The following KNSTRN variants were observed in gnomAD, a reference collection of about 807,000 sequenced individuals.
KNSTRN encodes small kinetochore-associated protein.
Under a neutral mutation model 44.7 loss-of-function variants are expected in KNSTRN, and 38 were observed. The observed-to-expected ratio is 0.85, with a 90% CI of 0.66 to 1.11. The LOEUF is 1.11. KNSTRN is among the 50% of genes most tolerant of loss of function. The pLI, the probability that KNSTRN is intolerant of heterozygous loss-of-function variation, is 0.00. For missense variants in KNSTRN, 406 were observed against 375.8 expected, an observed-to-expected ratio of 1.08 and a Z score of -0.66; for synonymous variants, 158 against 148.1, an observed-to-expected ratio of 1.07 and a Z score of -0.48.
Position 40,382,814 on chromosome 15 carries a change from C to G in KNSTRN, c.-22C>G, listed in dbSNP as rs1387650869. The G allele has an allele frequency of 1.2e-5, 20 of 1,604,594 alleles. No homozygotes were observed. The highest frequency in any genetic ancestry group is 1.5e-5 in the Non-Finnish European group (18 of 1,176,228). On this transcript the variant is annotated 5_prime_UTR_variant, in exon 1 of 9. Coordinates refer to ENST00000249776, the MANE Select transcript of KNSTRN (RefSeq NM_033286.4). ...CTTTCGCTAGGTCTGGCTCTGGCCT[C>G]TGAGCGAACCTTCCGTACAGTATGG...
At chr15:40,388,123 G>A (rs547137718) in intron 4 of KNSTRN, among the ~76,000 whole-genome samples, 6 of 152,330 alleles carry the variant, frequency 3.9e-5, no homozygotes, top group Non-Finnish European at 5.9e-5. Context: ...CTAACCCAGC[G>A]GCGCTAGAGG....
At position 40,391,543 on chromosome 15, in the gene KNSTRN, A is replaced by T; in HGVS notation, c.736A>T (p.Met246Leu). 6.2e-7 allele frequency: 1 copy of T among 1,613,712 alleles called. No individual in the cohort carries two copies. Among genetic ancestry groups the T allele is most frequent in the African/African-American group, 1.3e-5 (1 of 75,026 alleles). Residue 246 changes from methionine to leucine, a missense_variant, in exon 7 of 9, where the codon ATG becomes TTG. Coordinates refer to ENST00000249776, the MANE Select transcript of KNSTRN (RefSeq NM_033286.4). Reference protein sequence around the residue: ...ASRQESTTDHMDSMLLLETLQ... With the variant: ...ASRQESTTDHLDSMLLLETLQ... ...ACGACAAGAATCCACTACTGATCAC[A>T]TGGACTCTATGGTGAGGGCATGGGT...
rs768924814 is a variant in KNSTRN, at chr15:40,382,940, A to G, written c.105A>G (p.Leu35=). Residue 35 remains leucine (L), a synonymous_variant, in exon 1 of 9, where the codon CTA becomes CTG. Coordinates refer to ENST00000249776, the MANE Select transcript of KNSTRN (RefSeq NM_033286.4). The part of the protein sequence containing the change: ...HPLPPSYRKF[L]FETQAADLAG... Reference sequence around the variant, plus strand: ...TTCCGCCTAGCTACCGGAAGTTTCTATTTGAAACCCAGGCGGCCGACTTAG... The same window carrying G: ...TTCCGCCTAGCTACCGGAAGTTTCTGTTTGAAACCCAGGCGGCCGACTTAG... 3 of 1,612,282 alleles carry G rather than the reference A, an allele frequency of 1.9e-6. No individual in the cohort carries two copies. Among genetic ancestry groups the G allele is most frequent in the East Asian group, 2.2e-5 (1 of 44,886 alleles).
At position 40,386,362 on chromosome 15, in the gene KNSTRN, A is replaced by T. The variant is rs944283886; in HGVS notation, c.305A>T (p.Asp102Val). The T allele has an allele frequency of 6.2e-7, 1 of 1,613,006 alleles. No individual in the cohort carries two copies. Among genetic ancestry groups the T allele is most frequent in the African/African-American group, 1.3e-5 (1 of 74,872 alleles). Residue 102 changes from aspartate to valine, a missense_variant and splice_region_variant, in exon 3 of 9, where the codon GAC becomes GTC. Coordinates refer to ENST00000249776, the MANE Select transcript of KNSTRN (RefSeq NM_033286.4). ...CTTTACCTCTCATTTTCCTTTGCAG[A>T]CACACAAACTCGGGCCACTTCTAAG... is the stretch of plus-strand genomic sequence containing the variant. ...PSALSGGQPA[D>V]TQTRATSKSL...
chr15:40,391,197 CA>C (rs374155746), intron 6 of KNSTRN, among the ~76,000 whole-genome samples: 17 of 151,636 alleles, frequency 1.1e-4, no homozygotes, highest in African/African-American at 3.6e-4. Flanking sequence ...TGAACAAAAC[CA>C]AAAAAAATCC....
rs372083735 is a variant in KNSTRN, at chr15:40,387,152, C to T, written c.438-7C>T. The T allele has an allele frequency of 1.2e-6, 2 of 1,607,844 alleles. No individual in the cohort carries two copies. Among genetic ancestry groups the T allele is most frequent in the African/African-American group, 1.3e-5 (1 of 74,776 alleles). On this transcript the variant is annotated splice_polypyrimidine_tract_variant and splice_region_variant and intron_variant, in intron 3 of 8. Transcript: ENST00000249776. ...TCTGATTCATTTCTTTGTTTCTGCC[C>T]TCCTAGGCAAATGAAAGCTACTGAC... is the stretch of plus-strand genomic sequence containing the variant.
At chr15:40,386,686 C>G in intron 3 of KNSTRN, 192 bp downstream of exon 3, 2 of 594,594 alleles carry the variant, frequency 3.4e-6, no homozygotes, top group South Asian at 4.5e-5. Context: ...AGAGACACAG[C>G]CAGAGTTATA....
chr15:40,384,243 G>A (rs1180866988), intron 2 of KNSTRN: 2 of 278,356 alleles, frequency 7.2e-6, no homozygotes, highest in South Asian at 2.9e-5. Flanking sequence ...GCGTGGTGGC[G>A]GGCGCCTGTA....
In KNSTRN at chr15:40,383,113, A is replaced by C. The variant is rs920666737; in HGVS notation, c.209+69A>C. ...GGACGGAATGAGCTGGGAAAGGAGG[A>C]TTTTCTCTTTTCCAACCCCGAGCCG... On this transcript the variant is annotated intron_variant, in intron 1 of 8. Transcript: ENST00000249776. 21 of 1,595,810 alleles carry C rather than the reference A, an allele frequency of 1.3e-5. No individual in the cohort carries two copies. The African/African-American group carries it at 2.6e-4, about 19-fold the overall frequency.
At chr15:40,386,659 T>C in intron 3 of KNSTRN, 165 bp downstream of exon 3, 1 of 651,256 alleles carries the variant, frequency 1.5e-6, no homozygotes, top group Non-Finnish European at 2.6e-6. Flanking sequence ...CAGAACCCTC[T>C]GTGTTGATCT....
At chr15:40,391,217 C>A (rs1056490061) in intron 6 of KNSTRN, among the ~76,000 whole-genome samples, 1 of 152,314 alleles carries the variant, frequency 6.6e-6, no homozygotes, top group South Asian at 2.1e-4. Flanking sequence ...CCAACCTATA[C>A]ATTTCCTTTG....
chr15:40,384,100 A>T (rs1008051236), intron 2 of KNSTRN: 5 of 185,698 alleles, frequency 2.7e-5, no homozygotes, highest in Non-Finnish European at 5.7e-5. Flanking sequence ...GTGGCCAGGC[A>T]CGGTGGCTCA....
intron 4 of KNSTRN, among the ~76,000 whole-genome samples, chr15:40,388,364 G>A (rs986960112): frequency 5.9e-5 from 9 of 152,206 alleles, no homozygotes; most frequent in African/African-American, 1.7e-4. Context: ...GCAGGAACAC[G>A]CTCTTAAGAC....
At chr15:40,389,735 G>A in intron 5 of KNSTRN, 101 bp from the exon 6 acceptor site, 2 of 1,358,792 alleles carry the variant, frequency 1.5e-6, no homozygotes, top group East Asian at 2.3e-5. Context: ...GAAAAAAAAA[G>A]CCAGGCTTTT....
rs751565947 is a variant in KNSTRN, at chr15:40,391,483, T to G, written c.686-10T>G. 1 of 1,612,468 alleles carries G rather than the reference T, an allele frequency of 6.2e-7. No individual in the cohort carries two copies. The highest frequency in any genetic ancestry group is 8.5e-7 in the Non-Finnish European group (1 of 1,178,530). On this transcript the variant is annotated splice_polypyrimidine_tract_variant and intron_variant, in intron 6 of 8. Coordinates refer to ENST00000249776, the MANE Select transcript of KNSTRN (RefSeq NM_033286.4). ...TCCCTAAGTGAGATTGACTTTGTTG[T>G]ATCCATCAGCTTTAGGCAGTGAGAC...
chr15:40,386,839 C>G, intron 3 of KNSTRN: 1 of 527,560 alleles, frequency 1.9e-6, no homozygotes, highest in Non-Finnish European at 3.4e-6. Flanking sequence ...CAGTCCAGCC[C>G]TAGTGTGTGT....
At chr15:40,390,057 G>A (rs1298388247) in intron 6 of KNSTRN, 128 bp downstream of exon 6, 2 of 701,658 alleles carry the variant, frequency 2.9e-6, no homozygotes, top group East Asian at 2.6e-5. Context: ...AAGCCCTAAA[G>A]ATTTTGGAAA....
chr15:40,383,095 A>T, intron 1 of KNSTRN, 51 bp downstream of exon 1: 1 of 1,598,902 alleles, frequency 6.3e-7, no homozygotes, highest in East Asian at 2.2e-5. Context: ...GAAGGACGGA[A>T]TGAGCTGGGA....
Position 40,382,768 on chromosome 15 carries a change from C to A in KNSTRN, c.-68C>A. ...AATTGCATCACCCTCCTCCTCTGCCCAGACCTGGGGGCTCCAACACCTTTC... is the reference window on the plus strand; with the variant it reads ...AATTGCATCACCCTCCTCCTCTGCCAAGACCTGGGGGCTCCAACACCTTTC... On this transcript the variant is annotated 5_prime_UTR_variant, in exon 1 of 9. Transcript: ENST00000249776. The A allele has an allele frequency of 7.0e-7, 1 of 1,431,030 alleles. No homozygotes were observed. The highest frequency in any genetic ancestry group is 9.6e-7 in the Non-Finnish European group (1 of 1,041,800). 88.6% of individuals were successfully genotyped at this position (1,431,030 alleles called of 1,614,324 possible). A position where few individuals can be genotyped will look rare whatever the true frequency, so the allele number is the denominator to read the frequency against.
Sources: gnomAD v4.1 joint callset for allele counts (sites outside exome capture counted in the v4.1 genomes callset) on GRCh38, gnomAD v4.1.1 for gene constraint, MANE v1.5 for transcripts, NCBI Gene and HGNC (gene_info 2026-07-23, HGNC 2026-07-21) for gene names.